The following MORN1 variants were observed in gnomAD, a reference collection of about 807,000 sequenced individuals.
MORN1 encodes MORN repeat containing 1.
In MORN1, 67 loss-of-function variants were observed where a neutral mutation model predicts 61.9. That is an observed-to-expected ratio of 1.08 (90% CI 0.89 to 1.33). The LOEUF (loss-of-function observed/expected upper bound fraction) is 1.33, where lower values mean the gene tolerates loss of function less well. Ranked by LOEUF, MORN1 falls within the 40% of genes most tolerant of loss-of-function variation. MORN1 has a pLI of 0.00. For synonymous variants in MORN1, 301 were observed against 292.0 expected (o/e 1.03, Z -0.31); for missense variants, 752 against 691.2 (o/e 1.09, Z -0.99).
At chr1:2,384,532 C>G (rs1642443529) in intron 6 of MORN1, among the ~76,000 whole-genome samples, 1 of 152,224 alleles carries the variant, frequency 6.6e-6, no homozygotes, top group South Asian at 2.1e-4. Context: ...AAGGAAGTTC[C>G]ACGGTAAGGG....
chr1:2,385,654 T>G (rs1642479358), intron 5 of MORN1, 153 bp downstream of exon 5: 1 of 640,772 alleles, frequency 1.6e-6, no homozygotes, highest in Admixed American at 2.5e-5. Context: ...GTTCAACAAC[T>G]TGGCACTGGG....
At chr1:2,331,375 C>T (rs566858821) in intron 12 of MORN1, among the ~76,000 whole-genome samples, 87 of 152,330 alleles carry the variant, frequency 5.7e-4, no homozygotes, top group African/African-American at 1.9e-3. Flanking sequence ...CAGGGGTGGG[C>T]GGGCTTCTCC....
rs537125275 is a variant in MORN1 at position 2,334,200 on chromosome 1, G to A, written c.1250+2269C>T. On this transcript the variant is annotated intron_variant, in intron 12 of 13. Coordinates refer to ENST00000378531, the MANE Select transcript of MORN1 (RefSeq NM_024848.3). This position sits in a 1 kb window ranked among gnomAD's most constrained non-coding sequence, Gnocchi z 5.4. ...TCCTGGAAGAGGTCGTGAGGTCGACGCCCCGGTCAGCCACAGTTGAGGGCC... is the reference window on the plus strand; with the variant it reads ...TCCTGGAAGAGGTCGTGAGGTCGACACCCCGGTCAGCCACAGTTGAGGGCC... Among the ~76,000 whole-genome samples, 6 of 152,106 alleles carry A rather than the reference G, an allele frequency of 3.9e-5. No homozygotes were observed. In the South Asian group the frequency reaches 1.2e-3, roughly 32 times the overall value.
At chr1:2,377,284 C>G (rs1190393919) in intron 6 of MORN1, 1 of 152,376 alleles carries the variant, frequency 6.6e-6, no homozygotes, top group Non-Finnish European at 1.5e-5. Context: ...AGTCAGGAAG[C>G]AGTCGTGCAG....
intron 12 of MORN1, chr1:2,326,580 T>TG (rs929661727): frequency 2.0e-5 from 3 of 152,310 alleles, no homozygotes; most frequent in Non-Finnish European, 1.5e-5. Flanking sequence ...GGCGGTGGAC[T>TG]GGGGGTGCGT....
At chr1:2,387,313 G>C (rs1642527517) in intron 4 of MORN1, 106 bp downstream of exon 4, 1 of 833,282 alleles carries the variant, frequency 1.2e-6, no homozygotes. Flanking sequence ...CCAACCCTCT[G>C]AAGTCAGGCA....
At chr1:2,387,702 T>G (rs150256544) in intron 3 of MORN1, 173 bp from the exon 4 acceptor site, 2 of 611,310 alleles carry the variant, frequency 3.3e-6, no homozygotes, top group African/African-American at 3.7e-5. Flanking sequence ...TAAGCAGGTC[T>G]GGTCTCCCCA....
intron 8 of MORN1, among the ~76,000 whole-genome samples, chr1:2,367,585 C>A (rs759829178): frequency 1.2e-4 from 18 of 152,170 alleles, no homozygotes; most frequent in Non-Finnish European, 1.5e-5. Context: ...CTTCCTTACA[C>A]CAAACAAAAA....
At chr1:2,387,282 C>A in intron 4 of MORN1, 137 bp downstream of exon 4, 3 of 710,126 alleles carry the variant, frequency 4.2e-6, no homozygotes, top group East Asian at 2.5e-5. Flanking sequence ...GAGAAGAGGG[C>A]ATGGGCCCCC....
At chr1:2,389,009 G>A (rs1017606980) in intron 2 of MORN1, among the ~76,000 whole-genome samples, 5 of 151,546 alleles carry the variant, frequency 3.3e-5, no homozygotes, top group Non-Finnish European at 5.9e-5. Context: ...CTACTCATGA[G>A]GCTGAGGCAG....
intron 6 of MORN1, chr1:2,376,363 C>G (rs1642234577): frequency 1.3e-5 from 2 of 152,332 alleles, no homozygotes; most frequent in Admixed American, 1.3e-4. Flanking sequence ...CGTCCGGGGC[C>G]CCCGTCACCG....
intron 10 of MORN1, among the ~76,000 whole-genome samples, chr1:2,340,722 G>A (rs888315576): frequency 4.6e-5 from 7 of 152,140 alleles, no homozygotes; most frequent in East Asian, 1.9e-4. Context: ...AGGCCACGAC[G>A]GGCCACCACA....
At chr1:2,347,073 T>C (rs775994043) in intron 10 of MORN1, among the ~76,000 whole-genome samples, 5 of 152,088 alleles carry the variant, frequency 3.3e-5, no homozygotes, top group Admixed American at 1.3e-4. Context: ...TCTTGGGAGA[T>C]GGGGAGCTCT....
chr1:2,388,404 T>C (rs1642557002), intron 2 of MORN1, 67 bp from the exon 3 acceptor site: 6 of 1,261,084 alleles, frequency 4.8e-6, no homozygotes, highest in Non-Finnish European at 7.0e-6. Context: ...CACTGTGCAG[T>C]GTTGGGCCTG....
intron 6 of MORN1, chr1:2,376,400 T>G (rs1359856226): frequency 6.6e-6 from 1 of 152,354 alleles, no homozygotes; most frequent in Non-Finnish European, 1.5e-5. Flanking sequence ...CGATGTCTGG[T>G]CTCTGCCCCC....
chr1:2,331,427 G>C (rs1641145871), intron 12 of MORN1, among the ~76,000 whole-genome samples: 2 of 152,218 alleles, frequency 1.3e-5, no homozygotes, highest in African/African-American at 4.8e-5. Context: ...GGGCAGTTGG[G>C]GGTGCCCTGG....
intron 10 of MORN1, among the ~76,000 whole-genome samples, chr1:2,340,416 T>C (rs1369934319): frequency 3.9e-5 from 6 of 152,122 alleles, no homozygotes; most frequent in Non-Finnish European, 8.8e-5. Flanking sequence ...GGGCCTGCCC[T>C]GCCCCTGGCC....
chr1:2,385,553 G>A, intron 5 of MORN1: 1 of 340,666 alleles, frequency 2.9e-6, no homozygotes, highest in Non-Finnish European at 5.4e-6. Context: ...TTTAATCGGG[G>A]GGGGGGGGGA....
chr1:2,330,748 C>T (rs559024049), intron 12 of MORN1, among the ~76,000 whole-genome samples: 27 of 152,284 alleles, frequency 1.8e-4, no homozygotes, highest in African/African-American at 5.1e-4. Flanking sequence ...TGCCTGTGGT[C>T]GGGCTGAGGG....
Sources: allele counts gnomAD v4.1 joint callset (sites outside exome capture counted in the v4.1 genomes callset), GRCh38; gene constraint gnomAD v4.1.1; non-coding constraint Gnocchi (gnomAD v3.1); transcripts MANE v1.5; gene names NCBI Gene and HGNC (gene_info 2026-07-23, HGNC 2026-07-21).